The following KCNIP4 variants were observed in gnomAD, a reference collection of about 807,000 sequenced individuals.
KCNIP4 encodes the protein Kv channel-interacting protein 4.
In KCNIP4, 12 loss-of-function variants were observed where a neutral mutation model predicts 34.0. The observed-to-expected ratio is 0.35, with a 90% CI of 0.23 to 0.57. The LOEUF (loss-of-function observed/expected upper bound fraction) is 0.57, where lower values mean the gene tolerates loss of function less well. KCNIP4 is among the 20% of genes least tolerant of loss of function. KCNIP4 has a pLI of 0.83. For missense variants in KCNIP4, 238 were observed against 311.7 expected (o/e 0.76, Z 1.78); for synonymous variants, 124 against 102.2 (o/e 1.21, Z -1.29).
chr4:21,243,540 A>T (rs1314483677), intron 1 of KCNIP4, among the ~76,000 whole-genome samples: 1 of 152,186 alleles, frequency 6.6e-6, no homozygotes, highest in Admixed American at 6.5e-5. Flanking sequence ...TCAGCATTAG[A>T]ATGGGGCATG....
chr4:21,922,934 G>A (rs1378063584), intron 1 of KCNIP4, among the ~76,000 whole-genome samples: 7 of 152,120 alleles, frequency 4.6e-5, no homozygotes, highest in East Asian at 3.9e-4. Context: ...ATTATAACCC[G>A]AAAGTCAAGT....
chr4:21,195,723 A>T (rs1756005590), intron 1 of KCNIP4, among the ~76,000 whole-genome samples: 1 of 152,176 alleles, frequency 6.6e-6, no homozygotes, highest in Non-Finnish European at 1.5e-5. Context: ...GGTGATAGTT[A>T]TTCACCTTCT....
intron 1 of KCNIP4, among the ~76,000 whole-genome samples, chr4:21,106,529 T>A (rs1385583358): frequency 2.0e-5 from 3 of 150,918 alleles, no homozygotes; most frequent in Non-Finnish European, 1.5e-5. Context: ...TCAATTTTGT[T>A]GATCCTTTCA....
chr4:21,341,215 G>A (rs1310769364), intron 1 of KCNIP4, among the ~76,000 whole-genome samples: 2 of 152,116 alleles, frequency 1.3e-5, no homozygotes, highest in Non-Finnish European at 2.9e-5. Flanking sequence ...ATATAGCCCT[G>A]CAGACACCTT....
At chr4:21,325,117 A>G (rs1308569406) in intron 1 of KCNIP4, among the ~76,000 whole-genome samples, 1 of 151,858 alleles carries the variant, frequency 6.6e-6, no homozygotes, top group African/African-American at 2.4e-5. Flanking sequence ...TGCAACTCAC[A>G]TAATATGAGT....
chr4:21,730,864 G>A (rs1421886001), intron 1 of KCNIP4, among the ~76,000 whole-genome samples: 5 of 152,106 alleles, frequency 3.3e-5, no homozygotes, highest in Non-Finnish European at 7.4e-5. Flanking sequence ...TGTAATTCCA[G>A]CACTTCGGGA....
chr4:21,524,835 A>G (rs1043164548), intron 1 of KCNIP4, among the ~76,000 whole-genome samples: 2 of 152,156 alleles, frequency 1.3e-5, no homozygotes, highest in African/African-American at 4.8e-5. Context: ...TGCCTTGCAC[A>G]TAACAGGAAG....
intron 1 of KCNIP4, among the ~76,000 whole-genome samples, chr4:21,246,936 TTTC>T (rs553605599): frequency 2.2e-4 from 34 of 152,320 alleles, no homozygotes; most frequent in Admixed American, 2.0e-3. Context: ...TAATTTTTCA[TTTC>T]TTTTTTCTTT....
At chr4:20,781,381 A>G (rs1389156434) in intron 3 of KCNIP4, among the ~76,000 whole-genome samples, 1 of 152,222 alleles carries the variant, frequency 6.6e-6, no homozygotes, top group East Asian at 1.9e-4. Flanking sequence ...AGTAACAATT[A>G]TATGATGAAT....
chr4:20,858,735 A>G (rs1022416040), intron 2 of KCNIP4, among the ~76,000 whole-genome samples: 4 of 152,196 alleles, frequency 2.6e-5, no homozygotes, highest in Admixed American at 2.6e-4. Flanking sequence ...TGTTAATAGC[A>G]ACCATCACCC....
chr4:21,303,161 A>G (rs965249642), intron 1 of KCNIP4, among the ~76,000 whole-genome samples: 2 of 152,236 alleles, frequency 1.3e-5, no homozygotes, highest in African/African-American at 2.4e-5. Flanking sequence ...GATAAGGAGA[A>G]CAGGAGAACA....
chr4:20,894,216 T>C (rs1160465054), intron 1 of KCNIP4, among the ~76,000 whole-genome samples: 1 of 152,196 alleles, frequency 6.6e-6, no homozygotes, highest in Non-Finnish European at 1.5e-5. Flanking sequence ...TTCAAACTTT[T>C]CTTTGGGATA....
intron 1 of KCNIP4, among the ~76,000 whole-genome samples, chr4:21,605,303 A>T (rs1743551749): frequency 6.6e-6 from 1 of 152,116 alleles, no homozygotes; most frequent in African/African-American, 2.4e-5. Context: ...AGGTAAATAA[A>T]CTTTCCTTGG....
chr4:21,811,150 A>G (rs781533014), intron 1 of KCNIP4, among the ~76,000 whole-genome samples: 3 of 152,218 alleles, frequency 2.0e-5, no homozygotes, highest in Non-Finnish European at 4.4e-5. Flanking sequence ...TGAGAGAATC[A>G]GGGATTTCTT....
chr4:20,789,963 A>T (rs1417538262), intron 3 of KCNIP4, among the ~76,000 whole-genome samples: 1 of 152,186 alleles, frequency 6.6e-6, no homozygotes, highest in East Asian at 1.9e-4. Flanking sequence ...ACAGTCATGT[A>T]TCACTTAATG....
At chr4:20,814,677 G>C (rs1445822773) in intron 3 of KCNIP4, among the ~76,000 whole-genome samples, 1 of 152,144 alleles carries the variant, frequency 6.6e-6, no homozygotes, top group Non-Finnish European at 1.5e-5. Context: ...GAGTACACTA[G>C]GGGATATTAG....
At chr4:21,458,797 G>C (rs1049369984) in intron 1 of KCNIP4, among the ~76,000 whole-genome samples, 2 of 151,932 alleles carry the variant, frequency 1.3e-5, no homozygotes, top group African/African-American at 4.8e-5. Flanking sequence ...CTTAAAACTT[G>C]CTGTGAAAAT....
intron 1 of KCNIP4, among the ~76,000 whole-genome samples, chr4:21,645,824 C>T (rs1349900747): frequency 6.6e-6 from 1 of 151,890 alleles, no homozygotes; most frequent in Non-Finnish European, 1.5e-5. Flanking sequence ...CCACAACTCT[C>T]AAATCATTTT....
At chr4:21,181,417 C>T (rs1334134738) in intron 1 of KCNIP4, among the ~76,000 whole-genome samples, 1 of 152,024 alleles carries the variant, frequency 6.6e-6, no homozygotes, top group Non-Finnish European at 1.5e-5. Flanking sequence ...ATTACCTTAC[C>T]GGGTTTGATC....
Sources: gnomAD v4.1 joint callset for allele counts (sites outside exome capture counted in the v4.1 genomes callset) on GRCh38, gnomAD v4.1.1 for gene constraint, MANE v1.5 for transcripts, NCBI Gene and HGNC (gene_info 2026-07-23, HGNC 2026-07-21) for gene names.